The following SLIT2 variants were observed in gnomAD, a reference collection of about 807,000 sequenced individuals.
The protein encoded by SLIT2 is slit homolog 2 protein.
SLIT2 carries 41 observed loss-of-function variants against 185.7 expected under a neutral mutation model. That is an observed-to-expected ratio of 0.22 (90% CI 0.17 to 0.29). The LOEUF is 0.29. Among genes scored for constraint, SLIT2 ranks in the 10% least tolerant of loss-of-function variants. The pLI, the probability that SLIT2 is intolerant of heterozygous loss-of-function variation, is 1.00. For synonymous variants in SLIT2, 693 were observed against 680.2 expected (o/e 1.02, Z -0.29); for missense variants, 1,571 against 1,909.0 (o/e 0.82, Z 3.30).
chr4:20,527,569 G>A (rs1284025539), intron 15 of SLIT2, among the ~76,000 whole-genome samples: 1 of 152,144 alleles, frequency 6.6e-6, no homozygotes, highest in East Asian at 1.9e-4. Flanking sequence ...ACAGGCGTGA[G>A]CCACCACACC....
chr4:20,567,397 G>A lies in SLIT2; in HGVS notation c.2850+11G>A, dbSNP rs1254110069. ...CCATATGGTTTCAAGGTAAGTAAAA[G>A]CACTTTAAGAGTCACAGTTTGAGAG... On this transcript the variant is annotated intron_variant, in intron 27 of 36. Transcript: ENST00000504154. The A allele has an allele frequency of 3.1e-6, 5 of 1,612,982 alleles. No individual in the cohort carries two copies. Among genetic ancestry groups the A allele is most frequent in the Admixed American group, 3.3e-5 (2 of 59,920 alleles).
Position 20,301,478 on chromosome 4 carries a change from G to A in SLIT2, c.395+32597G>A, listed in dbSNP as rs370357218. ...AATGTCATTTTGCACCAATGGCCAG[G>A]CATTAACGGGGCATACTAACTCTAT... is the stretch of plus-strand genomic sequence containing the variant. On this transcript the variant is annotated intron_variant, in intron 4 of 36. Transcript: ENST00000504154. 2.8e-4 allele frequency among the ~76,000 whole-genome samples: 42 copies of A among 152,110 alleles called. 1 individual carries two copies. The East Asian group carries it at 3.1e-3, about 11-fold the overall frequency.
At chr4:20,392,666 A>G (rs1725520424) in intron 4 of SLIT2, among the ~76,000 whole-genome samples, 1 of 152,218 alleles carries the variant, frequency 6.6e-6, no homozygotes, top group Non-Finnish European at 1.5e-5. Flanking sequence ...TTATATCTTT[A>G]TAAGTGCTTT....
chr4:20,502,899 A>G (rs1343667744), intron 9 of SLIT2, among the ~76,000 whole-genome samples: 1 of 152,116 alleles, frequency 6.6e-6, no homozygotes, highest in African/African-American at 2.4e-5. Flanking sequence ...AGCAGACTCT[A>G]TAGGGGATAA....
At chr4:20,474,180 G>C (rs1231709290) in intron 5 of SLIT2, among the ~76,000 whole-genome samples, 2 of 151,972 alleles carry the variant, frequency 1.3e-5, no homozygotes, top group Admixed American at 6.6e-5. Context: ...ATGAAGGTAA[G>C]GTCTTTTATT....
chr4:20,461,430 C>G lies in SLIT2; in HGVS notation c.396-6322C>G, dbSNP rs561102208. On this transcript the variant is annotated intron_variant, in intron 4 of 36. Transcript: ENST00000504154. ...ATAAGGTCAAAAAGGGTGTGCTGAT[C>G]AGATTTTGGGGGGAATTTGTAAACC... Among the ~76,000 whole-genome samples, 19 of 152,190 alleles carry G rather than the reference C, an allele frequency of 1.2e-4. 1 individual carries two copies. The South Asian group carries it at 3.1e-3, about 25-fold the overall frequency.
intron 4 of SLIT2, among the ~76,000 whole-genome samples, chr4:20,278,625 C>A (rs1714407627): frequency 6.6e-6 from 1 of 151,258 alleles, no homozygotes; most frequent in South Asian, 2.1e-4. Context: ...AGTTGCAAGA[C>A]AAAACAAACA....
At chr4:20,415,677 G>A (rs1727607763) in intron 4 of SLIT2, among the ~76,000 whole-genome samples, 1 of 152,170 alleles carries the variant, frequency 6.6e-6, no homozygotes, top group South Asian at 2.1e-4. Flanking sequence ...CTTTACTACA[G>A]CTTTATTATA....
Position 20,537,520 on chromosome 4 carries a change from G to C in SLIT2, c.1833-1921G>C, listed in dbSNP as rs1389655322. On this transcript the variant is annotated intron_variant, in intron 18 of 36. Transcript: ENST00000504154. ...ATATCAAAGTATTTCTTCTTGTTTT[G>C]TTTTTCATTCACAGGACTCTCCCTG... Among the ~76,000 whole-genome samples the C allele has an allele frequency of 3.3e-5, 5 of 152,174 alleles. No homozygotes were observed. The East Asian group carries it at 5.8e-4, about 18-fold the overall frequency.
intron 29 of SLIT2, among the ~76,000 whole-genome samples, chr4:20,578,151 C>T (rs1560210069): frequency 6.6e-6 from 1 of 152,164 alleles, no homozygotes; most frequent in African/African-American, 2.4e-5. Flanking sequence ...AAGCATTTGC[C>T]TGCAAGAAGC....
In SLIT2 at chr4:20,328,312, A is replaced by G. The variant is rs367696435; in HGVS notation, c.395+59431A>G. On this transcript the variant is annotated intron_variant, in intron 4 of 36. Transcript: ENST00000504154. ...TAAGGCTTGAATTTGAACCAGTACT[A>G]TAAATTCTTAGAGGATTTATCTTTC... Among the ~76,000 whole-genome samples the G allele has an allele frequency of 3.3e-5, 5 of 152,106 alleles. No homozygotes were observed. The South Asian group carries it at 6.2e-4, about 19-fold the overall frequency.
chr4:20,543,243 C>T (rs1048030386), intron 21 of SLIT2, among the ~76,000 whole-genome samples: 4 of 151,992 alleles, frequency 2.6e-5, no homozygotes, highest in Non-Finnish European at 5.9e-5. Flanking sequence ...ACCAATTATC[C>T]TTGACATTTT....
chr4:20,474,021 AC>A (rs907146760), intron 5 of SLIT2, among the ~76,000 whole-genome samples: 2 of 151,728 alleles, frequency 1.3e-5, no homozygotes, highest in Admixed American at 6.6e-5. Flanking sequence ...TTTTCAGTAA[AC>A]CTGAAGCTGA....
intron 4 of SLIT2, among the ~76,000 whole-genome samples, chr4:20,428,086 A>G (rs1017412031): frequency 6.6e-6 from 1 of 152,236 alleles, no homozygotes; most frequent in Non-Finnish European, 1.5e-5. Flanking sequence ...GAGTAAAAGA[A>G]GTAGATTTAA....
chr4:20,348,071 A>G (rs1355209119), intron 4 of SLIT2, among the ~76,000 whole-genome samples: 1 of 152,232 alleles, frequency 6.6e-6, no homozygotes, highest in African/African-American at 2.4e-5. Context: ...CCAACACCGT[A>G]CCAGTGGTGA....
At chr4:20,289,820 G>A (rs762673154) in intron 4 of SLIT2, among the ~76,000 whole-genome samples, 2 of 152,186 alleles carry the variant, frequency 1.3e-5, no homozygotes, top group Non-Finnish European at 2.9e-5. Flanking sequence ...ACCTACAGAG[G>A]TTGGAGGGCT....
chr4:20,293,911 A>G (rs531804372), intron 4 of SLIT2, among the ~76,000 whole-genome samples: 3 of 149,498 alleles, frequency 2.0e-5, no homozygotes, highest in Admixed American at 6.7e-5. Flanking sequence ...TGGTCCACGG[A>G]CACCAATCCT....
chr4:20,539,827 C>A (rs907047069), intron 19 of SLIT2, among the ~76,000 whole-genome samples: 5 of 151,998 alleles, frequency 3.3e-5, no homozygotes, highest in Non-Finnish European at 7.4e-5. Flanking sequence ...GTGATATGAT[C>A]AATAATGTAG....
chr4:20,423,751 A>G lies in SLIT2; in HGVS notation c.396-44001A>G, dbSNP rs148942894. On this transcript the variant is annotated intron_variant, in intron 4 of 36. Coordinates refer to ENST00000504154, the MANE Select transcript of SLIT2 (RefSeq NM_004787.4). ...TAGAACTCATAAACATAATGCAAAT[A>G]TAAATGTTATATGTTAAAATTATCT... Among the ~76,000 whole-genome samples the G allele has an allele frequency of 9.8e-4, 150 of 152,306 alleles. 1 individual carries two copies. Among genetic ancestry groups the G allele is most frequent in the South Asian group, 2.1e-3 (10 of 4,828 alleles).
Sources: allele counts gnomAD v4.1 joint callset (sites outside exome capture counted in the v4.1 genomes callset), GRCh38; gene constraint gnomAD v4.1.1; transcripts MANE v1.5; gene names NCBI Gene and HGNC (gene_info 2026-07-23, HGNC 2026-07-21).